OR10G3: variants seen among roughly 807,000 people sequenced by gnomAD.
OR10G3 encodes olfactory receptor family 10 subfamily G member 3.
In OR10G3, 8 loss-of-function variants were observed where a neutral mutation model predicts 13.4. The observed-to-expected ratio is 0.60, with a 90% CI of 0.35 to 1.08. OR10G3 has a LOEUF of 1.08. Ranked by LOEUF, OR10G3 falls within the 50% of genes least tolerant of loss-of-function variation. OR10G3 has a pLI of 0.02. For synonymous variants in OR10G3, 142 were observed against 156.1 expected (o/e 0.91, Z 0.67); for missense variants, 393 against 386.6 (o/e 1.02, Z -0.14).
chr14:21,574,580 T>C (rs1341010506), intron 1 of OR10G3, among the ~76,000 whole-genome samples: 1 of 152,158 alleles, frequency 6.6e-6, no homozygotes, highest in Admixed American at 6.6e-5. Context: ...AACATTATAA[T>C]GGATCTCAAT....
rs770475881 is a variant in OR10G3 at position 21,569,949 on chromosome 14, T to G, written c.796A>C (p.Asn266His). The change falls in exon 2 of 2, where the codon AAC (asparagine) becomes CAC (histidine). Residue 266 changes from asparagine (N) to histidine (H), a missense_variant. Coordinates refer to ENST00000641040, the MANE Select transcript of OR10G3 (RefSeq NM_001005465.2). ...GCAGCTGCCCCATCCAGGGGGCTGT[T>G]GGTTTCAGGCCTCAGGTAGATGAAG... ...CAFIYLRPET[N>H]SPLDGAAALV... The G allele has an allele frequency of 1.2e-6, 2 of 1,612,650 alleles. No homozygotes were observed. Among genetic ancestry groups the G allele is most frequent in the Admixed American group, 3.3e-5 (2 of 59,892 alleles).
chr14:21,572,608 C>CAAAAAAAAAAAAAAAAAAAAAAAAA (rs397852312), intron 1 of OR10G3, among the ~76,000 whole-genome samples: 1 of 110,512 alleles, frequency 9.0e-6, no homozygotes, highest in Non-Finnish European at 1.8e-5. Flanking sequence ...AACAAACAAA[C>CAAAAAAAAAAAAAAAAAAAAAAAAA]AAAAAAAAAA....
In OR10G3 at chr14:21,570,761, C is replaced by G. The variant is rs916447729; in HGVS notation, c.-17G>C. 6.6e-7 allele frequency: 1 copy of G among 1,515,962 alleles called. No individual in the cohort carries two copies. Among genetic ancestry groups the G allele is most frequent in the Non-Finnish European group, 8.9e-7 (1 of 1,127,674 alleles). The allele number at this position is 1,515,962 out of a possible 1,614,324, so 93.9% of individuals were successfully genotyped here. Reference sequence around the variant, plus strand: ...TCTTTCCATATCCCAGAGAATCTTACCTAGAGAATGGACAAAACAAGAATT... The same window carrying G: ...TCTTTCCATATCCCAGAGAATCTTAGCTAGAGAATGGACAAAACAAGAATT... On this transcript the variant is annotated splice_region_variant and 5_prime_UTR_variant, in exon 2 of 2. Coordinates refer to ENST00000641040, the MANE Select transcript of OR10G3 (RefSeq NM_001005465.2).
Position 21,573,231 on chromosome 14 carries a change from G to T in OR10G3, c.-17-2470C>A, listed in dbSNP as rs1384801878. The stretch of plus-strand genomic sequence containing the variant: ...GAAGACATTATATTAAGCAAAATAA[G>T]CCAGGCATGGAAAGACAATATTGCA... On this transcript the variant is annotated intron_variant, in intron 1 of 1. Coordinates refer to ENST00000641040, the MANE Select transcript of OR10G3 (RefSeq NM_001005465.2). Among the ~76,000 whole-genome samples the T allele has an allele frequency of 3.9e-5, 6 of 152,100 alleles. No homozygotes were observed. The South Asian group carries it at 1.2e-3, about 32-fold the overall frequency.
intron 1 of OR10G3, among the ~76,000 whole-genome samples, chr14:21,573,738 A>G (rs978127788): frequency 6.6e-6 from 1 of 152,030 alleles, no homozygotes; most frequent in Non-Finnish European, 1.5e-5. Context: ...ATTGAACAGC[A>G]TGGTGACCAT....
At chr14:21,572,813 T>A (rs1365071177) in intron 1 of OR10G3, among the ~76,000 whole-genome samples, 1 of 152,320 alleles carries the variant, frequency 6.6e-6, no homozygotes, top group South Asian at 2.1e-4. Context: ...AGTGCCATGC[T>A]GTTTTGATAA....
chr14:21,569,905 G>C lies in OR10G3; in HGVS notation c.840C>G (p.Ile280Met). Residue 280 changes from isoleucine (I) to methionine (M), a missense_variant, in exon 2 of 2, where the codon ATC becomes ATG. Transcript: ENST00000641040. ...DGAAALVPTA[I>M]TPFLNPLIYT... is the part of the protein sequence containing the mutation. ...AGATAAGGGGGTTGAGGAAAGGAGT[G>C]ATGGCCGTGGGGACTAGGGCAGCTG... 6.2e-7 allele frequency: 1 copy of C among 1,601,012 alleles called. No individual in the cohort carries two copies. Among genetic ancestry groups the C allele is most frequent in the Non-Finnish European group, 8.5e-7 (1 of 1,173,342 alleles).
chr14:21,570,730 G>C lies in OR10G3; in HGVS notation c.15C>G (p.Asn5Lys). 1.3e-6 allele frequency: 2 copies of C among 1,583,618 alleles called. No individual in the cohort carries two copies. Among genetic ancestry groups the C allele is most frequent in the South Asian group, 2.3e-5 (2 of 88,148 alleles). The stretch of plus-strand genomic sequence containing the variant: ...GGATAAACGCAGTCAACAGTGTGCT[G>C]TTGATTCTTTCCATATCCCAGAGAA... MERINSTLLTAFILT... is the reference protein window; with the variant it reads MERIKSTLLTAFILT... The change falls in exon 2 of 2, where the codon AAC becomes AAG. Residue 5 changes from asparagine (N) to lysine (K), a missense_variant. Transcript: ENST00000641040.
In OR10G3 at chr14:21,574,280, G is replaced by C. The variant is rs1893103154; in HGVS notation, c.-17-3519C>G. Among the ~76,000 whole-genome samples the C allele has an allele frequency of 2.8e-5, 4 of 141,664 alleles. No individual in the cohort carries two copies. The South Asian group carries it at 9.0e-4, about 32-fold the overall frequency. The allele number at this position is 141,664 out of a possible 152,430, so 92.9% of individuals were successfully genotyped here. On this transcript the variant is annotated intron_variant, in intron 1 of 1. Transcript: ENST00000641040. ...ATTGAGCCACTGTACTCCAGCCTGGGCCACAGAGCAAGACTCCATCTCAAA... is the reference window on the plus strand; with the variant it reads ...ATTGAGCCACTGTACTCCAGCCTGGCCCACAGAGCAAGACTCCATCTCAAA...
chr14:21,571,886 C>G (rs1893073252), intron 1 of OR10G3, among the ~76,000 whole-genome samples: 2 of 151,520 alleles, frequency 1.3e-5, no homozygotes, highest in Non-Finnish European at 2.9e-5. Context: ...GTTGGCCAGG[C>G]TGATCTTGAA....
chr14:21,578,492 A>C (rs1942754305), intron 1 of OR10G3, among the ~76,000 whole-genome samples: 1 of 152,104 alleles, frequency 6.6e-6, no homozygotes, highest in African/African-American at 2.4e-5. Context: ...TATATGAGAA[A>C]TATTAGGGGA....
In OR10G3 at chr14:21,576,614, C is replaced by T. The variant is rs575720879; in HGVS notation, c.-18+3172G>A. Among the ~76,000 whole-genome samples the T allele has an allele frequency of 9.9e-5, 15 of 152,232 alleles. No homozygotes were observed. In the East Asian group the frequency reaches 2.9e-3, roughly 29 times the overall value. On this transcript the variant is annotated intron_variant, in intron 1 of 1. Coordinates refer to ENST00000641040, the MANE Select transcript of OR10G3 (RefSeq NM_001005465.2). ...ATTGCCTTTGTTATTTCCATTGGCT[C>T]TTTTTCAACATTTTTCTAACTTTTT...
intron 1 of OR10G3, among the ~76,000 whole-genome samples, chr14:21,578,467 T>A (rs957694659): frequency 6.6e-6 from 1 of 152,032 alleles, no homozygotes; most frequent in East Asian, 1.9e-4. Context: ...ATCTAGTACA[T>A]GAATGTTTGA....
At chr14:21,573,530 A>G (rs927319956) in intron 1 of OR10G3, among the ~76,000 whole-genome samples, 15 of 150,764 alleles carry the variant, frequency 9.9e-5, no homozygotes, top group African/African-American at 3.6e-4. Flanking sequence ...AAATTAGCCC[A>G]GTGTGGTGGC....
intron 1 of OR10G3, among the ~76,000 whole-genome samples, chr14:21,574,426 C>T (rs1594490997): frequency 6.6e-6 from 1 of 151,688 alleles, no homozygotes; most frequent in South Asian, 2.1e-4. Flanking sequence ...ATTAATGATT[C>T]TCTCTACCTT....
Position 21,570,409 on chromosome 14 carries a change from C to T in OR10G3, c.336G>A (p.Gln112=), listed in dbSNP as rs139555105. 2.4e-4 allele frequency: 388 copies of T among 1,614,112 alleles called. 4 individuals carry two copies. The Middle Eastern group carries it at 7.8e-3, about 32-fold the overall frequency. Residue 112 remains glutamine (Q), a synonymous_variant, in exon 2 of 2, where the codon CAG becomes CAA. Coordinates refer to ENST00000641040, the MANE Select transcript of OR10G3 (RefSeq NM_001005465.2). ...AGGCCATTAGGGTGTAGAGGAAGCA[C>T]TGGGTGCTGCCCAGGAAGTGATAGA... ...LYFYHFLGST[Q]CFLYTLMAYD...
At chr14:21,578,456 C>T (rs76257405) in intron 1 of OR10G3, among the ~76,000 whole-genome samples, 1,832 of 151,804 alleles carry the variant, frequency 0.012, 33 homozygotes, top group African/African-American at 0.042. Flanking sequence ...AAATAAAGAC[C>T]ATCTAGTACA....
chr14:21,569,752 A>T lies in OR10G3; in HGVS notation c.*51T>A, dbSNP rs753931117. ...AGAAAAAAGTTACCGAAGCCTAAAC[A>T]TTATAATAAATTCTAATTGTGGCAG... On this transcript the variant is annotated 3_prime_UTR_variant, in exon 2 of 2. Transcript: ENST00000641040. 1 of 1,481,652 alleles carries T rather than the reference A, an allele frequency of 6.7e-7. No individual in the cohort carries two copies. The highest frequency in any genetic ancestry group is 1.2e-5 in the South Asian group (1 of 81,314). The allele number at this position is 1,481,652 out of a possible 1,614,324, so 91.8% of individuals were successfully genotyped here. A position where few individuals can be genotyped will look rare whatever the true frequency, so the allele number is the denominator to read the frequency against.
rs538274850 is a variant in OR10G3 at position 21,577,485 on chromosome 14, A to C, written c.-18+2301T>G. Among the ~76,000 whole-genome samples the C allele has an allele frequency of 2.0e-5, 3 of 152,346 alleles. No individual in the cohort carries two copies. In the East Asian group the frequency reaches 5.8e-4, roughly 29 times the overall value. Reference sequence around the variant, plus strand: ...GAAAATTCCTTCCCACAAGGAACCAAATCAAAATAATGTAGTAAATCATGT... The same window carrying C: ...GAAAATTCCTTCCCACAAGGAACCACATCAAAATAATGTAGTAAATCATGT... On this transcript the variant is annotated intron_variant, in intron 1 of 1. Transcript: ENST00000641040.
Sources: allele counts gnomAD v4.1 joint callset (sites outside exome capture counted in the v4.1 genomes callset), GRCh38; gene constraint gnomAD v4.1.1; transcripts MANE v1.5; gene names NCBI Gene and HGNC (gene_info 2026-07-23, HGNC 2026-07-21).